The following CCSER1 variants were observed in gnomAD, a reference collection of about 807,000 sequenced individuals.
The protein encoded by CCSER1 is serine-rich coiled-coil domain-containing protein 1.
Under a neutral mutation model 82.0 loss-of-function variants are expected in CCSER1, and 41 were observed. The ratio of observed to expected loss-of-function variants is 0.50; its 90% CI spans 0.39 to 0.65. CCSER1 has a LOEUF of 0.65. Among genes scored for constraint, CCSER1 ranks in the 30% least tolerant of loss-of-function variants. CCSER1 has a pLI of 0.00. For synonymous variants in CCSER1, 414 were observed against 383.9 expected (o/e 1.08, Z -0.92); for missense variants, 1,119 against 1,064.2 (o/e 1.05, Z -0.72).
At chr4:90,534,502 T>A (rs1775056957) in intron 5 of CCSER1, among the ~76,000 whole-genome samples, 4 of 150,928 alleles carry the variant, frequency 2.7e-5, no homozygotes, top group Admixed American at 2.6e-4. Context: ...GTTTACCTAT[T>A]CTCTATATTA....
Position 91,352,696 on chromosome 4 carries a change from CAT to C in CCSER1, c.2218-245873_2218-245872del, listed in dbSNP as rs1478924538. On this transcript the variant is annotated intron_variant, in intron 10 of 10. Coordinates refer to ENST00000509176, the MANE Select transcript of CCSER1 (RefSeq NM_001145065.2). Reference sequence around the variant, plus strand: ...AATTTATGCTTACCGTTAAAAGTGACATATGTAATTATGTTATAAGGAATATA... The same window carrying C: ...AATTTATGCTTACCGTTAAAAGTGACATGTAATTATGTTATAAGGAATATA... Among the ~76,000 whole-genome samples, 6 of 152,286 alleles carry C rather than the reference CAT, an allele frequency of 3.9e-5. No individual in the cohort carries two copies. In the East Asian group the frequency reaches 9.6e-4, roughly 24 times the overall value.
At chr4:90,776,345 T>C (rs1173435880) in intron 7 of CCSER1, among the ~76,000 whole-genome samples, 1 of 152,162 alleles carries the variant, frequency 6.6e-6, no homozygotes, top group African/African-American at 2.4e-5. Flanking sequence ...ATTTAAGTCT[T>C]TTGGTTAAAA....
At chr4:90,466,791 A>G (rs1203057929) in intron 4 of CCSER1, among the ~76,000 whole-genome samples, 1 of 152,224 alleles carries the variant, frequency 6.6e-6, no homozygotes, top group Non-Finnish European at 1.5e-5. Flanking sequence ...TCTGAGTTGT[A>G]TTTGGCAGTG....
chr4:91,027,378 T>G (rs989967278), intron 9 of CCSER1, among the ~76,000 whole-genome samples: 3 of 151,632 alleles, frequency 2.0e-5, no homozygotes, highest in Admixed American at 2.0e-4. Context: ...TTTTTTTTAC[T>G]TTTTTCATTA....
At chr4:91,030,576 A>G (rs1740889138) in intron 9 of CCSER1, among the ~76,000 whole-genome samples, 1 of 152,134 alleles carries the variant, frequency 6.6e-6, no homozygotes, top group African/African-American at 2.4e-5. Context: ...TCTGTGGAAA[A>G]TAAGTGACCT....
intron 9 of CCSER1, among the ~76,000 whole-genome samples, chr4:91,044,166 C>CTAT: frequency 6.6e-6 from 1 of 152,096 alleles, no homozygotes; most frequent in Admixed American, 6.5e-5. Flanking sequence ...AAGGTAAAAT[C>CTAT]CCAGCACTTG....
At chr4:90,594,244 C>A (rs1008197384) in intron 5 of CCSER1, among the ~76,000 whole-genome samples, 9 of 152,040 alleles carry the variant, frequency 5.9e-5, no homozygotes, top group African/African-American at 2.2e-4. Flanking sequence ...ATGAAGTAAT[C>A]ATGGCTCAGA....
chr4:90,311,332 A>G (rs977096881), intron 2 of CCSER1, among the ~76,000 whole-genome samples: 1 of 152,020 alleles, frequency 6.6e-6, no homozygotes, highest in Non-Finnish European at 1.5e-5. Flanking sequence ...CTCTCTCTGG[A>G]AATTAGAGAA....
chr4:90,397,708 C>G (rs1008583501), intron 3 of CCSER1, among the ~76,000 whole-genome samples: 1 of 152,032 alleles, frequency 6.6e-6, no homozygotes, highest in Admixed American at 6.6e-5. Flanking sequence ...CATCTTGGAC[C>G]GTTCACCAAG....
chr4:90,852,256 T>C (rs529032450), intron 8 of CCSER1, among the ~76,000 whole-genome samples: 2 of 152,186 alleles, frequency 1.3e-5, no homozygotes, highest in Admixed American at 6.5e-5. Context: ...TTATGGCTCA[T>C]TGAATGGCAA....
intron 10 of CCSER1, among the ~76,000 whole-genome samples, chr4:91,266,545 C>T (rs1741604634): frequency 6.6e-6 from 1 of 152,026 alleles, no homozygotes; most frequent in Non-Finnish European, 1.5e-5. Context: ...GCCACAGCGC[C>T]CGGCCTTAAG....
intron 5 of CCSER1, among the ~76,000 whole-genome samples, chr4:90,627,227 T>C (rs1431217633): frequency 1.3e-5 from 2 of 152,164 alleles, no homozygotes; most frequent in South Asian, 2.1e-4. Context: ...TTACTAATTA[T>C]CTAGTAATTT....
At chr4:90,893,792 T>TGTGTGTGGG (rs34693713) in intron 8 of CCSER1, among the ~76,000 whole-genome samples, 1 of 145,330 alleles carries the variant, frequency 6.9e-6, no homozygotes, top group Non-Finnish European at 1.5e-5. Context: ...TGTGTGTGTG[T>TGTGTGTGGG]GGGGGGTGAA....
chr4:90,750,252 C>T (rs1032896664), intron 7 of CCSER1, among the ~76,000 whole-genome samples: 2 of 152,022 alleles, frequency 1.3e-5, no homozygotes, highest in Non-Finnish European at 2.9e-5. Flanking sequence ...TGCCTGTTCG[C>T]TCTGATGGTA....
chr4:91,180,546 G>A (rs986455903), intron 10 of CCSER1, among the ~76,000 whole-genome samples: 11 of 152,236 alleles, frequency 7.2e-5, no homozygotes, highest in African/African-American at 1.4e-4. Context: ...CTGCCTTGCA[G>A]TTTGACCTCA....
At chr4:90,636,864 T>G (rs1725504226) in intron 6 of CCSER1, among the ~76,000 whole-genome samples, 1 of 152,142 alleles carries the variant, frequency 6.6e-6, no homozygotes, top group African/African-American at 2.4e-5. Flanking sequence ...GGCATAAATA[T>G]TTGAAAGAAA....
chr4:90,312,442 G>T (rs1322615102), intron 2 of CCSER1, among the ~76,000 whole-genome samples: 1 of 152,160 alleles, frequency 6.6e-6, no homozygotes, highest in Non-Finnish European at 1.5e-5. Context: ...TTAAGTATAT[G>T]ATTCTGGCTA....
chr4:91,442,319 A>C (rs533145898), intron 10 of CCSER1, among the ~76,000 whole-genome samples: 3 of 152,184 alleles, frequency 2.0e-5, no homozygotes, highest in African/African-American at 7.2e-5. Flanking sequence ...ATAATGCCGC[A>C]TATCTACCAC....
At chr4:90,467,700 CAA>C (rs201951035) in intron 4 of CCSER1, among the ~76,000 whole-genome samples, 1 of 141,886 alleles carries the variant, frequency 7.0e-6, no homozygotes, top group Non-Finnish European at 1.6e-5. Flanking sequence ...AAAACAAAAC[CAA>C]AAAAAAAAAG....
Sources: gnomAD v4.1 joint callset for allele counts (sites outside exome capture counted in the v4.1 genomes callset) on GRCh38, gnomAD v4.1.1 for gene constraint, MANE v1.5 for transcripts, NCBI Gene and HGNC (gene_info 2026-07-23, HGNC 2026-07-21) for gene names.